The following BRAF variants were observed in gnomAD, a reference collection of about 807,000 sequenced individuals.
BRAF encodes serine/threonine-protein kinase B-raf.
BRAF carries 16 observed loss-of-function variants against 104.6 expected under a neutral mutation model. The ratio of observed to expected loss-of-function variants is 0.15; its 90% CI spans 0.10 to 0.23. The LOEUF is 0.23. Among genes scored for constraint, BRAF ranks in the 10% least tolerant of loss-of-function variants. The probability of loss-of-function intolerance (pLI) is 1.00; values close to 1 mark genes in which losing one functional copy is unlikely to be tolerated. For synonymous variants in BRAF, 310 were observed against 341.6 expected, an observed-to-expected ratio of 0.91 and a Z score of 1.02; for missense variants, 541 against 937.3, an observed-to-expected ratio of 0.58 and a Z score of 5.52.
intron 3 of BRAF, among the ~76,000 whole-genome samples, chr7:140,815,723 AC>A (rs1222337503): frequency 6.6e-6 from 1 of 152,184 alleles, no homozygotes; most frequent in Non-Finnish European, 1.5e-5. Flanking sequence ...GGTGTGAGCC[AC>A]TGCAACTGGC....
In BRAF at chr7:140,725,043, T is replaced by C. The variant is rs1187342045; in HGVS notation, c.*1451A>G. 2.9e-6 allele frequency: 3 copies of C among 1,046,504 alleles called. No homozygotes were observed. Among genetic ancestry groups the C allele is most frequent in the East Asian group, 5.6e-5 (1 of 17,810 alleles). The allele number at this position is 1,046,504 out of a possible 1,614,324, so 64.8% of individuals were successfully genotyped here. On this transcript the variant is annotated 3_prime_UTR_variant, in exon 20 of 20. Coordinates refer to ENST00000644969, the MANE Select transcript of BRAF (RefSeq NM_001374258.1). ...TTCCCACACCCTCCCTCAGTCCTAA[T>C]ATCCCTAAAATTGCTCTATTCTCTG... is the stretch of plus-strand genomic sequence containing the variant.
intron 2 of BRAF, among the ~76,000 whole-genome samples, chr7:140,843,749 T>TA (rs1175810158): frequency 1.8e-4 from 27 of 152,200 alleles, no homozygotes; most frequent in African/African-American, 6.5e-4. Flanking sequence ...CTCATGCCTA[T>TA]AATCCCAGCA....
intron 1 of BRAF, among the ~76,000 whole-genome samples, chr7:140,914,384 T>C (rs941467055): frequency 2.0e-5 from 3 of 152,156 alleles, no homozygotes; most frequent in Non-Finnish European, 2.9e-5. Flanking sequence ...TGAGAAGGCA[T>C]GTGCAGGAAG....
intron 8 of BRAF, among the ~76,000 whole-genome samples, chr7:140,793,888 A>C (rs1562962790): frequency 6.6e-6 from 1 of 152,202 alleles, no homozygotes; most frequent in Non-Finnish European, 1.5e-5. Context: ...GGCCTCCCAA[A>C]GTGTTGGGAT....
intron 1 of BRAF, among the ~76,000 whole-genome samples, chr7:140,896,888 G>A (rs575020847): frequency 6.8e-6 from 1 of 147,802 alleles, no homozygotes; most frequent in African/African-American, 2.5e-5. Flanking sequence ...AAAAAGGGGT[G>A]GGGGGGGAAG....
chr7:140,756,690 C>T (rs574628436), intron 14 of BRAF, among the ~76,000 whole-genome samples: 1 of 152,246 alleles, frequency 6.6e-6, no homozygotes, highest in Non-Finnish European at 1.5e-5. Flanking sequence ...ATTGGACCTC[C>T]CTCTTTCCTT....
intron 1 of BRAF, among the ~76,000 whole-genome samples, chr7:140,864,415 C>A (rs1586454083): frequency 6.6e-6 from 1 of 152,142 alleles, no homozygotes; most frequent in Non-Finnish European, 1.5e-5. Context: ...ATGTCACCAA[C>A]AGGAGAGGCT....
chr7:140,723,102 G>C lies in BRAF; in HGVS notation c.*3392C>G, dbSNP rs1170726524. 2 of 1,051,270 alleles carry C rather than the reference G, an allele frequency of 1.9e-6. No individual in the cohort carries two copies. The highest frequency in any genetic ancestry group is 5.5e-5 in the Admixed American group (1 of 18,210). The allele number at this position is 1,051,270 out of a possible 1,614,324, so 65.1% of individuals were successfully genotyped here. A position where few individuals can be genotyped will look rare whatever the true frequency, so the allele number is the denominator to read the frequency against. ...AGGTAGTTTTTTGTAGAGGTCACCT[G>C]AACCCTGCAATGTGGTTTCGAACTA... On this transcript the variant is annotated 3_prime_UTR_variant, in exon 20 of 20. Transcript: ENST00000644969.
intron 1 of BRAF, among the ~76,000 whole-genome samples, chr7:140,867,756 C>A (rs1258503479): frequency 6.6e-6 from 1 of 152,086 alleles, no homozygotes; most frequent in East Asian, 1.9e-4. Context: ...ATGCAAAAAG[C>A]ATTAAGGTAG....
Position 140,924,622 on chromosome 7 carries a change from C to T in BRAF, c.82G>A (p.Gly28Ser), listed in dbSNP as rs1437317949. Residue 28 changes from glycine (G) to serine (S), a missense_variant, in exon 1 of 20, where the codon GGC (glycine) becomes AGC (serine). Transcript: ENST00000644969. This position sits in a 1 kb window ranked among gnomAD's most constrained non-coding sequence, Gnocchi z 4.2. ...LFNGDMEPEA[G>S]AGAGAAASSA... ...GAGGCCGCGGCGCCGGCGCCGGCGC[C>T]GGCCTCGGGCTCCATGTCCCCGTTG... is the stretch of plus-strand genomic sequence containing the variant. 1.3e-6 allele frequency: 2 copies of T among 1,524,898 alleles called. No individual in the cohort carries two copies. The highest frequency in any genetic ancestry group is 2.5e-5 in the East Asian group (1 of 40,476). 94.5% of individuals were successfully genotyped at this position (1,524,898 alleles called of 1,614,324 possible). A position where few individuals can be genotyped will look rare whatever the true frequency, so the allele number is the denominator to read the frequency against.
At chr7:140,907,455 G>T (rs952941865) in intron 1 of BRAF, among the ~76,000 whole-genome samples, 1 of 152,144 alleles carries the variant, frequency 6.6e-6, no homozygotes, top group African/African-American at 2.4e-5. Flanking sequence ...TAGAGGTGGG[G>T]TTTCACTGTG....
At chr7:140,824,768 T>C (rs946154712) in intron 3 of BRAF, among the ~76,000 whole-genome samples, 6 of 152,122 alleles carry the variant, frequency 3.9e-5, no homozygotes, top group Admixed American at 1.3e-4. Context: ...ACGGAAATTC[T>C]AGTTCTTTCA....
At chr7:140,739,274 T>C (rs1185233746) in intron 18 of BRAF, among the ~76,000 whole-genome samples, 1 of 152,126 alleles carries the variant, frequency 6.6e-6, no homozygotes, top group Non-Finnish European at 1.5e-5. Flanking sequence ...AGGGGTGACA[T>C]GATGTGAGAT....
At chr7:140,806,387 T>C (rs1803658760) in intron 5 of BRAF, among the ~76,000 whole-genome samples, 2 of 152,212 alleles carry the variant, frequency 1.3e-5, no homozygotes, top group Non-Finnish European at 2.9e-5. Context: ...TCATTTGTCA[T>C]ATCCCTAGGT....
At chr7:140,812,377 C>T (rs1281741920) in intron 3 of BRAF, among the ~76,000 whole-genome samples, 1 of 152,078 alleles carries the variant, frequency 6.6e-6, no homozygotes, top group Non-Finnish European at 1.5e-5. Context: ...AAAATTTTCC[C>T]ATTATTTGTA....
At chr7:140,872,908 A>C (rs1301798022) in intron 1 of BRAF, among the ~76,000 whole-genome samples, 1 of 152,168 alleles carries the variant, frequency 6.6e-6, no homozygotes. Context: ...AGAAAGTACC[A>C]ATAAAATTCT....
At chr7:140,917,663 C>G (rs1370891297) in intron 1 of BRAF, among the ~76,000 whole-genome samples, 1 of 152,182 alleles carries the variant, frequency 6.6e-6, no homozygotes, top group African/African-American at 2.4e-5. Flanking sequence ...AGACCTCTAA[C>G]CTACATCTTA....
rs372233718 is a variant in BRAF, at chr7:140,753,471, A to G, written c.1862-78T>C. ...AAGCATTATGAAGAGTTTAGGTAAG[A>G]GATCTAATTTCTATAATTCTGTAAT... On this transcript the variant is annotated intron_variant, in intron 15 of 19. Coordinates refer to ENST00000644969, the MANE Select transcript of BRAF (RefSeq NM_001374258.1). 29 of 925,752 alleles carry G rather than the reference A, an allele frequency of 3.1e-5. No homozygotes were observed. In the African/African-American group the frequency reaches 4.2e-4, roughly 14 times the overall value. The allele number at this position is 925,752 out of a possible 1,614,324, so 57.3% of individuals were successfully genotyped here.
rs554168379 is a variant in BRAF, at chr7:140,830,523, T to C, written c.504+4086A>G. Among the ~76,000 whole-genome samples, 3 of 152,312 alleles carry C rather than the reference T, an allele frequency of 2.0e-5. No individual in the cohort carries two copies. The South Asian group carries it at 6.2e-4, about 32-fold the overall frequency. ...TTCCTGACACAGAGCTCTGATTCCC[T>C]TGGAATTTCCTAGGTGGTAGGAGCA... On this transcript the variant is annotated intron_variant, in intron 3 of 19. Transcript: ENST00000644969.
Sources: allele counts gnomAD v4.1 joint callset (sites outside exome capture counted in the v4.1 genomes callset), GRCh38; gene constraint gnomAD v4.1.1; non-coding constraint Gnocchi (gnomAD v3.1); transcripts MANE v1.5; gene names NCBI Gene and HGNC (gene_info 2026-07-23, HGNC 2026-07-21).